RALGPS2: variants seen among roughly 807,000 people sequenced by gnomAD.
RALGPS2 encodes ras-specific guanine nucleotide-releasing factor RalGPS2.
RALGPS2 carries 43 observed loss-of-function variants against 86.8 expected under a neutral mutation model. That is an observed-to-expected ratio of 0.50 (90% confidence interval 0.39 to 0.64). The LOEUF (loss-of-function observed/expected upper bound fraction) is 0.64, where lower values mean the gene tolerates loss of function less well. Among genes scored for constraint, RALGPS2 ranks in the 30% least tolerant of loss-of-function variants. The pLI, the probability that RALGPS2 is intolerant of heterozygous loss-of-function variation, is 0.00. For synonymous variants in RALGPS2, 243 were observed against 231.3 expected (o/e 1.05, Z -0.46); for missense variants, 536 against 694.6 (o/e 0.77, Z 2.57).
At chr1:178,852,648 T>G (rs544426338) in intron 8 of RALGPS2, 1 of 1,584,936 alleles carries the variant, frequency 6.3e-7, no homozygotes, top group South Asian at 1.1e-5. Flanking sequence ...TAGAAGGTGA[T>G]GATTCTACAA....
chr1:178,748,867 G>A (rs200657442), intron 1 of RALGPS2, among the ~76,000 whole-genome samples: 2 of 140,082 alleles, frequency 1.4e-5, no homozygotes, highest in African/African-American at 5.5e-5. Context: ...AAAAAAAAAA[G>A]AAGGCAGGCA....
At chr1:178,901,953 G>A (rs1300660517) in intron 17 of RALGPS2, among the ~76,000 whole-genome samples, 153 bp from the exon 18 acceptor site, 2 of 151,884 alleles carry the variant, frequency 1.3e-5, no homozygotes, top group African/African-American at 2.4e-5. Flanking sequence ...ATGAAATTCA[G>A]CAGTAAAAGG....
chr1:178,865,593 C>G, intron 8 of RALGPS2: 1 of 1,614,002 alleles, frequency 6.2e-7, no homozygotes, highest in Non-Finnish European at 8.5e-7. Context: ...CAGATTGGCC[C>G]TGTTATTCTT....
At chr1:178,880,100 T>C (rs530813009) in intron 10 of RALGPS2, among the ~76,000 whole-genome samples, 1 of 152,328 alleles carries the variant, frequency 6.6e-6, no homozygotes, top group East Asian at 1.9e-4. Flanking sequence ...TTTTGCACTT[T>C]CACAAATATT....
intron 4 of RALGPS2, among the ~76,000 whole-genome samples, chr1:178,788,808 C>T (rs1043577487): frequency 4.1e-5 from 6 of 144,772 alleles, no homozygotes; most frequent in Non-Finnish European, 7.5e-5. Flanking sequence ...TTCTTTCTTT[C>T]TTTTCTTTTC....
intron 4 of RALGPS2, among the ~76,000 whole-genome samples, chr1:178,791,368 A>G (rs1653948757): frequency 6.7e-6 from 1 of 149,886 alleles, no homozygotes; most frequent in African/African-American, 2.5e-5. Flanking sequence ...GGCTCAAGCG[A>G]TCCCCCGGCC....
chr1:178,812,414 C>G (rs1572357356), intron 6 of RALGPS2, among the ~76,000 whole-genome samples: 1 of 152,158 alleles, frequency 6.6e-6, no homozygotes, highest in African/African-American at 2.4e-5. Flanking sequence ...TTGGGGTCGC[C>G]TATGGTTGAG....
intron 1 of RALGPS2, among the ~76,000 whole-genome samples, chr1:178,769,727 G>A (rs1652690566): frequency 6.6e-6 from 1 of 152,184 alleles, no homozygotes; most frequent in African/African-American, 2.4e-5. Context: ...AGAAAGTGCA[G>A]CTGTAGCAGC....
chr1:178,799,233 G>A (rs571638105), intron 4 of RALGPS2, among the ~76,000 whole-genome samples: 1 of 152,196 alleles, frequency 6.6e-6, no homozygotes, highest in Non-Finnish European at 1.5e-5. Context: ...TAGAGATGGG[G>A]TTTCACCGTG....
chr1:178,821,480 C>T (rs1655501416), intron 6 of RALGPS2, 132 bp from the exon 7 acceptor site: 2 of 653,884 alleles, frequency 3.1e-6, no homozygotes, highest in Non-Finnish European at 5.3e-6. Flanking sequence ...ACTCTAAAGA[C>T]AGTTCTCAGT....
intron 1 of RALGPS2, among the ~76,000 whole-genome samples, chr1:178,774,629 A>G (rs1465511026): frequency 1.3e-5 from 2 of 152,254 alleles, no homozygotes; most frequent in African/African-American, 2.4e-5. Flanking sequence ...TTGATTCTTA[A>G]TACTATAAGG....
chr1:178,728,383 C>G (rs572485621), intron 1 of RALGPS2, among the ~76,000 whole-genome samples: 80 of 140,358 alleles, frequency 5.7e-4, no homozygotes, highest in African/African-American at 2.0e-3. Context: ...ACTTTAAACC[C>G]ATTTTCTCCG....
At chr1:178,895,074 A>G (rs371882572) in intron 16 of RALGPS2, among the ~76,000 whole-genome samples, 228 of 151,752 alleles carry the variant, frequency 1.5e-3, no homozygotes, top group Admixed American at 1.8e-3. Context: ...TTGGGGGGGG[A>G]AAAAAGGAAG....
chr1:178,847,956 A>G (rs1400823060), intron 8 of RALGPS2, among the ~76,000 whole-genome samples: 2 of 152,202 alleles, frequency 1.3e-5, no homozygotes, highest in Non-Finnish European at 1.5e-5. Context: ...GTTCTAGGCA[A>G]TGATGGCCTC....
intron 1 of RALGPS2, among the ~76,000 whole-genome samples, chr1:178,740,291 G>A (rs1423109654): frequency 2.0e-5 from 3 of 152,186 alleles, no homozygotes; most frequent in Non-Finnish European, 2.9e-5. Flanking sequence ...GAGGAAATCT[G>A]CTTTTTCTAC....
rs372802672 is a variant in RALGPS2 at position 178,877,769 on chromosome 1, A to G, written c.745+134A>G. 33 of 1,155,384 alleles carry G rather than the reference A, an allele frequency of 2.9e-5. 1 individual carries two copies. Among genetic ancestry groups the G allele is most frequent in the Non-Finnish European group, 3.5e-5 (29 of 829,230 alleles). The allele number at this position is 1,155,384 out of a possible 1,614,324, so 71.6% of individuals were successfully genotyped here. A position where few individuals can be genotyped will look rare whatever the true frequency, so the allele number is the denominator to read the frequency against. ...TTTCCATTCTAATGTAAAGGAAAATAATGCTTGTTTTATTTTGCCATTTAC... is the reference window on the plus strand; with the variant it reads ...TTTCCATTCTAATGTAAAGGAAAATGATGCTTGTTTTATTTTGCCATTTAC... On this transcript the variant is annotated intron_variant, in intron 9 of 19. Transcript: ENST00000367635.
At chr1:178,803,035 A>G (rs911309919) in intron 4 of RALGPS2, among the ~76,000 whole-genome samples, 9 of 152,158 alleles carry the variant, frequency 5.9e-5, no homozygotes, top group East Asian at 1.9e-4. Context: ...AGGGTCAACT[A>G]TGTACCTCAT....
At chr1:178,735,934 A>G (rs925144734) in intron 1 of RALGPS2, among the ~76,000 whole-genome samples, 3 of 152,084 alleles carry the variant, frequency 2.0e-5, no homozygotes, top group Non-Finnish European at 4.4e-5. Context: ...TTTAGATAGT[A>G]TAACAGTGAT....
chr1:178,908,528 C>T (rs1351378748), intron 19 of RALGPS2, among the ~76,000 whole-genome samples: 1 of 152,332 alleles, frequency 6.6e-6, no homozygotes, highest in East Asian at 1.9e-4. Flanking sequence ...AGTGGCTGAA[C>T]TTACATTCCT....
Sources: allele counts gnomAD v4.1 joint callset (sites outside exome capture counted in the v4.1 genomes callset), GRCh38; gene constraint gnomAD v4.1.1; transcripts MANE v1.5; gene names NCBI Gene and HGNC (gene_info 2026-07-23, HGNC 2026-07-21).